The following SYNE1 variants were observed in gnomAD, a reference collection of about 807,000 sequenced individuals.
The protein encoded by SYNE1 is nesprin-1.
SYNE1 carries 616 observed loss-of-function variants against 1,111.0 expected under a neutral mutation model. The ratio of observed to expected loss-of-function variants is 0.55; its 90% confidence interval spans 0.52 to 0.59. SYNE1 has a LOEUF of 0.59. SYNE1 is among the 20% of genes least tolerant of loss of function. The probability of loss-of-function intolerance (pLI) is 0.00; values close to 1 mark genes in which losing one functional copy is unlikely to be tolerated. For missense variants in SYNE1, 10,006 were observed against 10,417.0 expected, an observed-to-expected ratio of 0.96 and a Z score of 1.72; for synonymous variants, 3,855 against 3,825.8, an observed-to-expected ratio of 1.01 and a Z score of -0.28.
intron 95 of SYNE1, among the ~76,000 whole-genome samples, chr6:152,293,154 T>C (rs1422462219): frequency 6.6e-6 from 1 of 152,220 alleles, no homozygotes; most frequent in Non-Finnish European, 1.5e-5. Context: ...ATGTATTTTC[T>C]GAAGTGATAA....
At chr6:152,631,001 A>G (rs942124885) in intron 2 of SYNE1, among the ~76,000 whole-genome samples, 1 of 152,240 alleles carries the variant, frequency 6.6e-6, no homozygotes, top group African/African-American at 2.4e-5. Context: ...TCAGAGTGCC[A>G]GAGCTCAATG....
chr6:152,291,381 C>G (rs4112832), intron 95 of SYNE1, among the ~76,000 whole-genome samples: 1 of 151,694 alleles, frequency 6.6e-6, no homozygotes, highest in African/African-American at 2.4e-5. Context: ...GCTGTGATGG[C>G]TAGTACGACT....
intron 12 of SYNE1, among the ~76,000 whole-genome samples, chr6:152,487,710 T>G (rs1202996805): frequency 6.6e-6 from 1 of 152,164 alleles, no homozygotes; most frequent in Non-Finnish European, 1.5e-5. Context: ...ATTCAGTTTA[T>G]TTTATACTAA....
chr6:152,200,549 C>T (rs2075205961), intron 127 of SYNE1, among the ~76,000 whole-genome samples: 2 of 152,138 alleles, frequency 1.3e-5, no homozygotes, highest in South Asian at 2.1e-4. Flanking sequence ...AGGCAAGCAC[C>T]ACCACTCTGG....
chr6:152,280,364 G>C (rs1021638973), intron 97 of SYNE1, among the ~76,000 whole-genome samples: 1 of 152,216 alleles, frequency 6.6e-6, no homozygotes, highest in South Asian at 2.1e-4. Context: ...ACCATGGGCC[G>C]CATGTGGCCC....
intron 91 of SYNE1, among the ~76,000 whole-genome samples, chr6:152,305,436 T>C (rs1360654086): frequency 2.6e-5 from 4 of 152,088 alleles, no homozygotes; most frequent in African/African-American, 7.2e-5. Context: ...GGCTAATTTT[T>C]GTATTTTTAG....
intron 145 of SYNE1, chr6:152,128,813 G>C (rs1188757701): frequency 6.6e-6 from 1 of 152,242 alleles, no homozygotes; most frequent in African/African-American, 2.4e-5. Context: ...AGCCTGGACT[G>C]TGGGTGAAGT....
intron 49 of SYNE1, among the ~76,000 whole-genome samples, chr6:152,397,296 A>G (rs1170887165): frequency 3.3e-5 from 5 of 152,190 alleles, no homozygotes; most frequent in Non-Finnish European, 1.5e-5. Context: ...CTCAGGGTTC[A>G]TGTGAGATCC....
At chr6:152,394,764 A>G (rs1405856283) in intron 51 of SYNE1, among the ~76,000 whole-genome samples, 1 of 150,396 alleles carries the variant, frequency 6.6e-6, no homozygotes, top group Non-Finnish European at 1.5e-5. Context: ...TGACATATAC[A>G]GTACTCTTTT....
In SYNE1 at chr6:152,330,692, T is replaced by C. The variant is rs1167795432; in HGVS notation, c.13993A>G (p.Lys4665Glu). ...IVALAKDKFY[K>E]VQEAILARKE... Reference sequence around the variant, plus strand: ...CGAGCAAGAATTGCTTCCTGGACTTTATAGAACTTGTCTTTAGCCAAGGCA... The same window carrying C: ...CGAGCAAGAATTGCTTCCTGGACTTCATAGAACTTGTCTTTAGCCAAGGCA... Residue 4665 changes from lysine to glutamate, a missense_variant, in exon 78 of 146, where the codon AAA becomes GAA. By Grantham distance (56) the Lys-to-Glu change is moderately conservative. Coordinates refer to ENST00000367255, the MANE Select transcript of SYNE1 (RefSeq NM_182961.4). 3 of 1,613,900 alleles carry C rather than the reference T, an allele frequency of 1.9e-6. No individual in the cohort carries two copies. Among genetic ancestry groups the C allele is most frequent in the Non-Finnish European group, 1.7e-6 (2 of 1,180,044 alleles).
chr6:152,215,215 G>A (rs2078340486), intron 121 of SYNE1, among the ~76,000 whole-genome samples, 155 bp from the exon 122 acceptor site: 1 of 152,194 alleles, frequency 6.6e-6, no homozygotes, highest in East Asian at 1.9e-4. Flanking sequence ...CTCTAGGTAC[G>A]AATAGCGAAA....
At chr6:152,268,322 T>C (rs191126717) in intron 99 of SYNE1, among the ~76,000 whole-genome samples, 157 bp from the exon 100 acceptor site, 1 of 151,964 alleles carries the variant, frequency 6.6e-6, no homozygotes, top group Non-Finnish European at 1.5e-5. Flanking sequence ...TATTCAAATG[T>C]GTCTCCAAAG....
chr6:152,501,407 T>G (rs1397669467), intron 10 of SYNE1, among the ~76,000 whole-genome samples: 2 of 152,142 alleles, frequency 1.3e-5, no homozygotes, highest in Admixed American at 6.6e-5. Flanking sequence ...CATTAAAATT[T>G]TGTATGCCCT....
chr6:152,183,289 C>A (rs972842232), intron 128 of SYNE1, among the ~76,000 whole-genome samples: 27 of 152,114 alleles, frequency 1.8e-4, no homozygotes, highest in Non-Finnish European at 7.3e-5. Context: ...TGAAACTATA[C>A]TCTTATTATT....
intron 69 of SYNE1, among the ~76,000 whole-genome samples, 186 bp from the exon 70 acceptor site, chr6:152,352,539 A>G (rs773595648): frequency 6.6e-6 from 1 of 151,928 alleles, no homozygotes; most frequent in Non-Finnish European, 1.5e-5. Context: ...AGTAGCTGGG[A>G]CTACAGGTGC....
rs766438191 is a variant in SYNE1, at chr6:152,122,449, G to A, written c.26381C>T (p.Pro8794Leu). 6.2e-7 allele frequency: 1 copy of A among 1,614,160 alleles called. No homozygotes were observed. The highest frequency in any genetic ancestry group is 1.7e-5 in the Admixed American group (1 of 60,028). The change falls in exon 146 of 146, where the codon CCT (proline) becomes CTT (leucine). Residue 8794 changes from proline to leucine, a missense_variant. By Grantham distance (98) the Pro-to-Leu change is moderately conservative. Transcript: ENST00000367255. ...FHPMLRYTNG[P>L]PPL ...CATCTGCTTAGTTCAGAGTGGAGGA[G>A]GGCCATTCGTGTATCTGAGCATGGG...
chr6:152,311,102 T>C, intron 87 of SYNE1: 1 of 569,506 alleles, frequency 1.8e-6, no homozygotes, highest in Non-Finnish European at 3.2e-6. Context: ...AGGTCACATG[T>C]CATACTACGT....
At chr6:152,600,853 C>G (rs575228509) in intron 3 of SYNE1, among the ~76,000 whole-genome samples, 2 of 152,206 alleles carry the variant, frequency 1.3e-5, no homozygotes, top group Non-Finnish European at 2.9e-5. Flanking sequence ...AATGTATGCA[C>G]TGTGAAATTA....
intron 3 of SYNE1, among the ~76,000 whole-genome samples, chr6:152,550,505 G>A (rs1337154805): frequency 6.6e-6 from 1 of 151,336 alleles, no homozygotes; most frequent in Non-Finnish European, 1.5e-5. Flanking sequence ...CTTCTAGGGT[G>A]ACAACAATGT....
Sources: gnomAD v4.1 joint callset for allele counts (sites outside exome capture counted in the v4.1 genomes callset) on GRCh38, gnomAD v4.1.1 for gene constraint, MANE v1.5 for transcripts, NCBI Gene and HGNC (gene_info 2026-07-23, HGNC 2026-07-21) for gene names.